The following ARMC7 variants were observed in gnomAD, a reference collection of about 807,000 sequenced individuals.
ARMC7 encodes armadillo repeat containing 7, also known as armadillo repeat-containing protein 7.
In ARMC7, 9 loss-of-function variants were observed where a neutral mutation model predicts 14.8. The observed-to-expected ratio is 0.61, with a 90% CI of 0.37 to 1.06. The LOEUF is 1.06. Among genes scored for constraint, ARMC7 ranks in the 50% least tolerant of loss-of-function variants. The probability of loss-of-function intolerance (pLI) is 0.01; values close to 1 mark genes in which losing one functional copy is unlikely to be tolerated. For missense variants in ARMC7, 262 were observed against 267.1 expected (o/e 0.98, Z 0.13); for synonymous variants, 125 against 123.4 (o/e 1.01, Z -0.09).
intron 2 of ARMC7, among the ~76,000 whole-genome samples, chr17:75,117,758 C>T (rs1477039088): frequency 1.3e-5 from 2 of 152,146 alleles, no homozygotes; most frequent in South Asian, 2.1e-4. Flanking sequence ...TATCTGAGGT[C>T]TCAGTGCCAG....
intron 2 of ARMC7, among the ~76,000 whole-genome samples, chr17:75,122,359 A>AATT (rs969217549): frequency 6.6e-6 from 1 of 151,368 alleles, no homozygotes; most frequent in Non-Finnish European, 1.5e-5. Flanking sequence ...TATCTTTTAA[A>AATT]ATTATTATTA....
rs1170299525 is a variant in ARMC7, at chr17:75,114,774, C to T, written c.235+4168C>T. ...CACAGTAGCTTTCTCAGCGTCGAAT[C>T]CCTCCGTGGGACCATGTTGCAATGA... On this transcript the variant is annotated intron_variant, in intron 2 of 2. Transcript: ENST00000245543. 1.0e-5 allele frequency: 4 copies of T among 398,378 alleles called. No individual in the cohort carries two copies. The East Asian group carries it at 1.4e-4, about 14-fold the overall frequency. 24.7% of individuals were successfully genotyped at this position (398,378 alleles called of 1,614,324 possible). A position where few individuals can be genotyped will look rare whatever the true frequency, so the allele number is the denominator to read the frequency against.
intron 2 of ARMC7, among the ~76,000 whole-genome samples, chr17:75,118,478 G>A (rs528455900): frequency 3.9e-5 from 6 of 152,158 alleles, no homozygotes; most frequent in Non-Finnish European, 8.8e-5. Context: ...TCTCTGTGTG[G>A]CGGTCTCTTT....
At chr17:75,124,403 G>T (rs1276198226) in intron 2 of ARMC7, among the ~76,000 whole-genome samples, 1 of 152,214 alleles carries the variant, frequency 6.6e-6, no homozygotes, top group Non-Finnish European at 1.5e-5. Context: ...GTTTTCCGCA[G>T]TCTGGGTGGC....
intron 2 of ARMC7, among the ~76,000 whole-genome samples, chr17:75,111,948 C>G (rs544148458): frequency 6.6e-6 from 1 of 151,438 alleles, no homozygotes; most frequent in South Asian, 2.1e-4. Flanking sequence ...GTCTTTGCCC[C>G]TCAGGAGCTT....
In ARMC7 at chr17:75,129,255, G is replaced by A. The variant is rs570624842; in HGVS notation, c.*217G>A. ...ACGGAGAAGATCAAACTGGAGCTGCGTTCATAGGCTGGCACTCTCAATCCT... is the reference window on the plus strand; with the variant it reads ...ACGGAGAAGATCAAACTGGAGCTGCATTCATAGGCTGGCACTCTCAATCCT... On this transcript the variant is annotated 3_prime_UTR_variant, in exon 3 of 3. Transcript: ENST00000245543. 35 of 664,026 alleles carry A rather than the reference G, an allele frequency of 5.3e-5. No homozygotes were observed. Among genetic ancestry groups the A allele is most frequent in the Admixed American group, 3.1e-4 (10 of 31,934 alleles). 41.1% of individuals were successfully genotyped at this position (664,026 alleles called of 1,614,324 possible).
chr17:75,123,502 C>T (rs1166312811), intron 2 of ARMC7, among the ~76,000 whole-genome samples: 2 of 151,766 alleles, frequency 1.3e-5, no homozygotes, highest in African/African-American at 4.8e-5. Context: ...TACAGGTGCC[C>T]ACCACCGTGC....
Position 75,128,798 on chromosome 17 carries a change from C to T in ARMC7, c.357C>T (p.Ile119=), listed in dbSNP as rs150791316. 1,282 of 1,613,346 alleles carry T rather than the reference C, an allele frequency of 7.9e-4. 14 individuals carry two copies. The African/African-American group carries it at 0.016, about 20-fold the overall frequency. ...SPNEETVLSA[I]TTLMHLSPPG... ...ATGAGGAGACGGTGCTGTCTGCCAT[C>T]ACCACGCTCATGCACCTGAGCCCGC... The change falls in exon 3 of 3, where the codon ATC becomes ATT. Residue 119 remains isoleucine, a synonymous_variant. Transcript: ENST00000245543.
rs1032067219 is a variant in ARMC7 at position 75,129,178 on chromosome 17, C to A, written c.*140C>A. 4 of 1,214,274 alleles carry A rather than the reference C, an allele frequency of 3.3e-6. No homozygotes were observed. Among genetic ancestry groups the A allele is most frequent in the African/African-American group, 1.5e-5 (1 of 66,142 alleles). The allele number at this position is 1,214,274 out of a possible 1,614,324, so 75.2% of individuals were successfully genotyped here. ...AGGCGGGTTCTTTCAGCAGGACAGG[C>A]ATTTACACTGATGAAACGCCACTGG... On this transcript the variant is annotated 3_prime_UTR_variant, in exon 3 of 3. Coordinates refer to ENST00000245543, the MANE Select transcript of ARMC7 (RefSeq NM_024585.4).
At chr17:75,124,216 G>A (rs1395340318) in intron 2 of ARMC7, among the ~76,000 whole-genome samples, 1 of 152,170 alleles carries the variant, frequency 6.6e-6, no homozygotes, top group Non-Finnish European at 1.5e-5. Flanking sequence ...TCATCTCTAA[G>A]GGACACTACC....
Position 75,110,246 on chromosome 17 carries a change from C to T in ARMC7, c.-43C>T, listed in dbSNP as rs748604383. ...GCTCGGCTTTCCCCCTGCACCTTTC[C>T]CACCCTCCCGCCCGTCCCTGGGGGT... is the stretch of plus-strand genomic sequence containing the variant. On this transcript the variant is annotated 5_prime_UTR_variant, in exon 1 of 3. Transcript: ENST00000245543. The T allele has an allele frequency of 6.6e-6, 10 of 1,526,280 alleles. No homozygotes were observed. The South Asian group carries it at 1.0e-4, about 15-fold the overall frequency. 94.5% of individuals were successfully genotyped at this position (1,526,280 alleles called of 1,614,324 possible). A position where few individuals can be genotyped will look rare whatever the true frequency, so the allele number is the denominator to read the frequency against.
At chr17:75,117,289 C>A (rs1399225228) in intron 2 of ARMC7, among the ~76,000 whole-genome samples, 1 of 152,188 alleles carries the variant, frequency 6.6e-6, no homozygotes, top group Non-Finnish European at 1.5e-5. Flanking sequence ...GTTGGCCAGG[C>A]TGATCTCGAA....
chr17:75,120,352 T>C (rs2074004475), intron 2 of ARMC7, among the ~76,000 whole-genome samples: 1 of 152,182 alleles, frequency 6.6e-6, no homozygotes, highest in Non-Finnish European at 1.5e-5. Flanking sequence ...CTTGCTTTCA[T>C]GTGGGGTTTC....
chr17:75,111,067 G>A (rs1313709810), intron 2 of ARMC7, among the ~76,000 whole-genome samples: 3 of 151,952 alleles, frequency 2.0e-5, no homozygotes, highest in African/African-American at 4.8e-5. Context: ...AGAGGCCGAA[G>A]TGAGCTGAGA....
intron 2 of ARMC7, among the ~76,000 whole-genome samples, chr17:75,126,859 G>A (rs1376149626): frequency 3.9e-5 from 6 of 151,974 alleles, no homozygotes; most frequent in South Asian, 2.1e-4. Flanking sequence ...TCAGGAGTTC[G>A]AGACCAGCCT....
At chr17:75,124,257 G>C (rs1486752237) in intron 2 of ARMC7, among the ~76,000 whole-genome samples, 1 of 152,194 alleles carries the variant, frequency 6.6e-6, no homozygotes, top group African/African-American at 2.4e-5. Flanking sequence ...GGAGTTCCCT[G>C]CCACTGCGGA....
intron 2 of ARMC7, among the ~76,000 whole-genome samples, chr17:75,126,642 CGCAATCTCAGCTCATT>C (rs1007145692): frequency 6.6e-6 from 1 of 150,768 alleles, no homozygotes; most frequent in Non-Finnish European, 1.5e-5. Flanking sequence ...AGTGCAATGG[CGCAATCTCAGCTCATT>C]GCAACCTCAG....
chr17:75,115,589 G>T (rs1350934890), intron 2 of ARMC7, among the ~76,000 whole-genome samples: 1 of 152,000 alleles, frequency 6.6e-6, no homozygotes, highest in Non-Finnish European at 1.5e-5. Context: ...GAGCAGGGTG[G>T]TTCATACCTG....
intron 2 of ARMC7, among the ~76,000 whole-genome samples, chr17:75,121,588 A>G (rs1253626407): frequency 6.6e-6 from 1 of 151,982 alleles, no homozygotes; most frequent in Non-Finnish European, 1.5e-5. Flanking sequence ...TAATTTTTGT[A>G]TTTTTAGTAG....
Sources: gnomAD v4.1 joint callset for allele counts (sites outside exome capture counted in the v4.1 genomes callset) on GRCh38, gnomAD v4.1.1 for gene constraint, MANE v1.5 for transcripts, NCBI Gene and HGNC (gene_info 2026-07-23, HGNC 2026-07-21) for gene names.